Variants in EPHA3 observed in about 807,000 individuals in gnomAD.
EPHA3 encodes ephrin type-A receptor 3.
In EPHA3, 42 loss-of-function variants were observed where a neutral mutation model predicts 107.1. The observed-to-expected ratio is 0.39, with a 90% CI of 0.31 to 0.51. The LOEUF is 0.51. EPHA3 is among the 20% of genes least tolerant of loss of function. The probability of loss-of-function intolerance (pLI) is 0.78; values close to 1 mark genes in which losing one functional copy is unlikely to be tolerated. For synonymous variants in EPHA3, 461 were observed against 424.8 expected (o/e 1.09, Z -1.05); for missense variants, 1,183 against 1,211.2 (o/e 0.98, Z 0.35).
At chr3:89,420,171 CT>C (rs1289305929) in intron 11 of EPHA3, among the ~76,000 whole-genome samples, 3 of 151,542 alleles carry the variant, frequency 2.0e-5, no homozygotes, top group Admixed American at 1.3e-4. Flanking sequence ...TGGCAGCAAA[CT>C]TTTTAGAGTG....
intron 9 of EPHA3, among the ~76,000 whole-genome samples, chr3:89,409,293 GTCTT>G (rs1217500688): frequency 6.6e-6 from 1 of 151,978 alleles, no homozygotes; most frequent in Non-Finnish European, 1.5e-5. Context: ...CAGGATCCTT[GTCTT>G]TCTTTTTCTC....
At chr3:89,381,417 C>A (rs112254604) in intron 5 of EPHA3, among the ~76,000 whole-genome samples, 2 of 152,044 alleles carry the variant, frequency 1.3e-5, no homozygotes, top group African/African-American at 4.8e-5. Context: ...TGCCTGTAAT[C>A]CCAGCACTTC....
intron 3 of EPHA3, among the ~76,000 whole-genome samples, chr3:89,256,249 T>C (rs148791587): frequency 0.014 from 2,124 of 149,972 alleles, 53 homozygotes; most frequent in African/African-American, 0.05. Context: ...AGACTCTCTC[T>C]CAAAAAATAA....
intron 2 of EPHA3, among the ~76,000 whole-genome samples, chr3:89,196,433 TA>T (rs1705838324): frequency 8.9e-6 from 1 of 111,882 alleles, no homozygotes; most frequent in Admixed American, 8.2e-5. Context: ...TTTCAAGTCA[TA>T]GATTTCAAGT....
intron 1 of EPHA3, among the ~76,000 whole-genome samples, chr3:89,126,022 G>T (rs2106971433): frequency 6.6e-6 from 1 of 151,596 alleles, no homozygotes; most frequent in East Asian, 1.9e-4. Flanking sequence ...AAAAATACTT[G>T]AGATGACTTT....
intron 3 of EPHA3, among the ~76,000 whole-genome samples, chr3:89,308,238 A>C (rs567535746): frequency 6.6e-6 from 1 of 152,326 alleles, no homozygotes; most frequent in South Asian, 2.1e-4. Flanking sequence ...CCTACACATG[A>C]AAAGTAGTAC....
intron 13 of EPHA3, among the ~76,000 whole-genome samples, chr3:89,442,182 G>A (rs912476257): frequency 1.3e-5 from 2 of 151,932 alleles, no homozygotes; most frequent in African/African-American, 4.8e-5. Flanking sequence ...AAGAAGAAAG[G>A]AGAAAATAAA....
intron 3 of EPHA3, among the ~76,000 whole-genome samples, chr3:89,304,045 G>A (rs1559639629): frequency 6.6e-6 from 1 of 151,906 alleles, no homozygotes; most frequent in Non-Finnish European, 1.5e-5. Context: ...CTGGCAAACT[G>A]TTGAAATCTG....
chr3:89,427,457 T>C (rs996316283), intron 11 of EPHA3, among the ~76,000 whole-genome samples: 3 of 151,920 alleles, frequency 2.0e-5, no homozygotes, highest in African/African-American at 7.2e-5. Flanking sequence ...TATACAGTTA[T>C]GTGTACATTA....
In EPHA3 at chr3:89,450,234, G is replaced by A. The variant is rs1709959112; in HGVS notation, c.2554G>A (p.Ala852Thr). 2 of 1,613,854 alleles carry A rather than the reference G, an allele frequency of 1.2e-6. No individual in the cohort carries two copies. The highest frequency in any genetic ancestry group is 2.2e-5 in the South Asian group (2 of 91,002). The change falls in exon 15 of 17, where the codon GCC (alanine) becomes ACC (threonine). Residue 852 changes from alanine (A) to threonine (T), a missense_variant. Coordinates refer to ENST00000336596, the MANE Select transcript of EPHA3 (RefSeq NM_005233.6). The part of the protein sequence containing the change: ...RLPPPMDCPA[A>T]LYQLMLDCWQ... ...GCCACCCCCCATGGACTGCCCAGCT[G>A]CCTTGTATCAGCTGATGCTGGACTG... is the stretch of plus-strand genomic sequence containing the variant.
At chr3:89,411,372 G>A (rs1363252278) in intron 9 of EPHA3, among the ~76,000 whole-genome samples, 1 of 151,800 alleles carries the variant, frequency 6.6e-6, no homozygotes, top group Non-Finnish European at 1.5e-5. Context: ...CCTCAAGCTG[G>A]ATAGCAGCTG....
chr3:89,403,993 G>T (rs1352722476), intron 7 of EPHA3, among the ~76,000 whole-genome samples: 2 of 152,098 alleles, frequency 1.3e-5, no homozygotes, highest in Middle Eastern at 3.2e-3. Flanking sequence ...ACAATCTGTG[G>T]AATAAAGTTG....
intron 3 of EPHA3, among the ~76,000 whole-genome samples, chr3:89,271,306 G>A (rs1336628687): frequency 4.6e-5 from 7 of 152,070 alleles, no homozygotes; most frequent in Non-Finnish European, 4.4e-5. Context: ...GCAATGTAAA[G>A]TGGGGTTTGT....
In EPHA3 at chr3:89,154,017, C is replaced by G. The variant is rs144548422; in HGVS notation, c.153+26744C>G. Among the ~76,000 whole-genome samples, 1,350 of 152,106 alleles carry G rather than the reference C, an allele frequency of 8.9e-3. 11 individuals are homozygous for G. The highest frequency in any genetic ancestry group is 0.025 in the East Asian group (131 of 5,148). Reference sequence around the variant, plus strand: ...TCTTCCCACTTCCTGCAAATGGTTCCCCTTTGTCCTGAAGCCATGAGGCCC... The same window carrying G: ...TCTTCCCACTTCCTGCAAATGGTTCGCCTTTGTCCTGAAGCCATGAGGCCC... On this transcript the variant is annotated intron_variant, in intron 2 of 16. Coordinates refer to ENST00000336596, the MANE Select transcript of EPHA3 (RefSeq NM_005233.6).
chr3:89,273,178 C>G (rs1041019571), intron 3 of EPHA3, among the ~76,000 whole-genome samples: 11 of 151,808 alleles, frequency 7.2e-5, no homozygotes, highest in African/African-American at 2.7e-4. Context: ...TAGCCATGTT[C>G]TTTTGAAGAC....
rs149710458 is a variant in EPHA3, at chr3:89,110,550, A to C, written c.88+2714A>C. On this transcript the variant is annotated intron_variant, in intron 1 of 16. Coordinates refer to ENST00000336596, the MANE Select transcript of EPHA3 (RefSeq NM_005233.6). ...CTCATCAACGATAACAGATATTCAT[A>C]ATTCCAATGATCACTTGACTCAGCA... Among the ~76,000 whole-genome samples the C allele has an allele frequency of 4.4e-3, 670 of 152,098 alleles. 6 individuals are homozygous for C. The highest frequency in any genetic ancestry group is 0.015 in the African/African-American group (617 of 41,568).
At chr3:89,351,959 C>T (rs1220939422) in intron 5 of EPHA3, among the ~76,000 whole-genome samples, 1 of 147,150 alleles carries the variant, frequency 6.8e-6, no homozygotes, top group Non-Finnish European at 1.5e-5. Context: ...AGGAAGAAGA[C>T]CAACACTTAT....
intron 1 of EPHA3, among the ~76,000 whole-genome samples, chr3:89,112,792 T>G (rs1004998934): frequency 1.3e-5 from 2 of 152,070 alleles, no homozygotes; most frequent in Non-Finnish European, 1.5e-5. Context: ...TACTTTTTAT[T>G]TGAATCATTC....
intron 6 of EPHA3, among the ~76,000 whole-genome samples, chr3:89,398,394 T>C (rs1365405342): frequency 2.0e-5 from 3 of 152,220 alleles, no homozygotes; most frequent in African/African-American, 7.2e-5. Flanking sequence ...ATGTGTCGTG[T>C]GAATCTAATG....
Sources: gnomAD v4.1 joint callset for allele counts (sites outside exome capture counted in the v4.1 genomes callset) on GRCh38, gnomAD v4.1.1 for gene constraint, MANE v1.5 for transcripts, NCBI Gene and HGNC (gene_info 2026-07-23, HGNC 2026-07-21) for gene names.